DTNB: variants seen among roughly 807,000 people sequenced by gnomAD.
The protein encoded by DTNB is DTN-B.
Under a neutral mutation model 90.7 loss-of-function variants are expected in DTNB, and 63 were observed. The ratio of observed to expected loss-of-function variants is 0.69; its 90% CI spans 0.57 to 0.86. The LOEUF is 0.86. DTNB is among the 40% of genes least tolerant of loss of function. The pLI, the probability that DTNB is intolerant of heterozygous loss-of-function variation, is 0.00. For synonymous variants in DTNB, 277 were observed against 286.7 expected (o/e 0.97, Z 0.34); for missense variants, 744 against 807.1 (o/e 0.92, Z 0.95).
At chr2:25,570,406 C>CAAAAAAAAAAAAAAAAAA (rs146251976) in intron 8 of DTNB, among the ~76,000 whole-genome samples, 25 of 89,912 alleles carry the variant, frequency 2.8e-4, no homozygotes, top group African/African-American at 1.2e-3. Context: ...TTTCCTGTCT[C>CAAAAAAAAAAAAAAAAAA]AAAAAAAAAA....
chr2:25,611,510 G>T (rs886599596), intron 4 of DTNB, among the ~76,000 whole-genome samples: 1 of 152,188 alleles, frequency 6.6e-6, no homozygotes, highest in Non-Finnish European at 1.5e-5. Flanking sequence ...CCCCTCTAGA[G>T]TTGGCCCTCC....
chr2:25,627,576 T>C (rs2074508260), intron 4 of DTNB, among the ~76,000 whole-genome samples: 1 of 152,118 alleles, frequency 6.6e-6, no homozygotes, highest in South Asian at 2.1e-4. Flanking sequence ...GTGTTTTTCA[T>C]GAGCTGGAGG....
intron 9 of DTNB, among the ~76,000 whole-genome samples, chr2:25,507,212 T>A (rs1032019096): frequency 6.6e-6 from 1 of 152,200 alleles, no homozygotes; most frequent in African/African-American, 2.4e-5. Context: ...ATGCTTTTCA[T>A]TTTGAAGATG....
At chr2:25,614,468 G>T (rs147336910) in intron 4 of DTNB, among the ~76,000 whole-genome samples, 6 of 152,274 alleles carry the variant, frequency 3.9e-5, no homozygotes, top group Non-Finnish European at 7.4e-5. Context: ...TAACAACATT[G>T]CAGAATGTAA....
intron 8 of DTNB, among the ~76,000 whole-genome samples, chr2:25,554,311 T>G (rs933341921): frequency 6.6e-6 from 1 of 152,128 alleles, no homozygotes; most frequent in Admixed American, 6.5e-5. Context: ...TATTAAACAT[T>G]AGTTTAATAT....
Position 25,435,166 on chromosome 2 carries a change from TGCA to T in DTNB, c.1258-1174_1258-1172del, listed in dbSNP as rs1390667778. Among the ~76,000 whole-genome samples the T allele has an allele frequency of 2.6e-5, 4 of 152,262 alleles. No homozygotes were observed. The East Asian group carries it at 7.7e-4, about 29-fold the overall frequency. On this transcript the variant is annotated intron_variant, in intron 12 of 20. Transcript: ENST00000406818. ...TCCCGGGTAGCTGGGACTACAGGTG[TGCA>T]CCACCATGCTCAGCTCATTGTTTGT...
intron 5 of DTNB, 25 bp from the exon 6 acceptor site, chr2:25,596,265 T>C (rs763247160): frequency 1.6e-5 from 26 of 1,579,664 alleles, no homozygotes; most frequent in Middle Eastern, 1.7e-4. Context: ...CCAAATAAAG[T>C]CAAGCTATAA....
chr2:25,539,666 C>T (rs1220045603), intron 8 of DTNB, among the ~76,000 whole-genome samples: 1 of 150,730 alleles, frequency 6.6e-6, no homozygotes, highest in Admixed American at 6.6e-5. Context: ...ACAAACAACT[C>T]CTATTATGAG....
intron 16 of DTNB, among the ~76,000 whole-genome samples, chr2:25,418,631 G>A (rs1336072588): frequency 9.2e-5 from 14 of 151,718 alleles, no homozygotes; most frequent in African/African-American, 1.5e-4. Flanking sequence ...CTTGGGAGGC[G>A]GAGGTTGCAG....
At chr2:25,538,775 TA>T (rs2150995791) in intron 8 of DTNB, among the ~76,000 whole-genome samples, 1 of 152,110 alleles carries the variant, frequency 6.6e-6, no homozygotes, top group African/African-American at 2.4e-5. Context: ...TTAAAAGTTA[TA>T]AAACAAATAC....
At chr2:25,433,323 A>T (rs2054574283) in intron 13 of DTNB, among the ~76,000 whole-genome samples, 1 of 152,188 alleles carries the variant, frequency 6.6e-6, no homozygotes, top group Non-Finnish European at 1.5e-5. Flanking sequence ...AACTCCTTGC[A>T]ACCTCCTAAT....
intron 5 of DTNB, among the ~76,000 whole-genome samples, chr2:25,601,784 T>C (rs2065933533): frequency 6.6e-6 from 1 of 152,164 alleles, no homozygotes; most frequent in Admixed American, 6.5e-5. Context: ...GATAAATACC[T>C]AAACACAACT....
At chr2:25,451,343 CTG>C (rs1382564447) in intron 12 of DTNB, among the ~76,000 whole-genome samples, 1 of 152,100 alleles carries the variant, frequency 6.6e-6, no homozygotes, top group Non-Finnish European at 1.5e-5. Flanking sequence ...AAAATTTAAA[CTG>C]TAGGTGTGAT....
chr2:25,489,488 A>G (rs967351176), intron 9 of DTNB, among the ~76,000 whole-genome samples: 5 of 152,192 alleles, frequency 3.3e-5, no homozygotes, highest in African/African-American at 1.2e-4. Context: ...AGATTATCTC[A>G]TCCCATAAAG....
chr2:25,417,626 C>A (rs2048299854), intron 16 of DTNB, among the ~76,000 whole-genome samples: 1 of 152,114 alleles, frequency 6.6e-6, no homozygotes, highest in South Asian at 2.1e-4. Flanking sequence ...TTAGTCTGGG[C>A]AGACTGTTGG....
chr2:25,548,893 T>A (rs1483950350), intron 8 of DTNB, among the ~76,000 whole-genome samples: 2 of 152,186 alleles, frequency 1.3e-5, no homozygotes, highest in Admixed American at 6.5e-5. Context: ...TATGTTTACA[T>A]ACACATAAAT....
chr2:25,639,102 A>G lies in DTNB; in HGVS notation c.68-8T>C. The G allele has an allele frequency of 6.4e-7, 1 of 1,567,892 alleles. No individual in the cohort carries two copies. The highest frequency in any genetic ancestry group is 8.7e-7 in the Non-Finnish European group (1 of 1,152,268). ...CATCAAAATTCTGAGCACCTGAAAA[A>G]AGGCAAACAGAAATGCTCAACTAGA... is the stretch of plus-strand genomic sequence containing the variant. On this transcript the variant is annotated splice_region_variant and splice_polypyrimidine_tract_variant and intron_variant, in intron 2 of 20. Coordinates refer to ENST00000406818, the MANE Select transcript of DTNB (RefSeq NM_021907.5).
In DTNB at chr2:25,454,034, C is replaced by A. The variant is rs189018461; in HGVS notation, c.1169+1371G>T. On this transcript the variant is annotated intron_variant, in intron 11 of 20. Transcript: ENST00000406818. ...GTGTGGTGATGAGCGCCTGTGGTCC[C>A]AGCTACTCGGGAGGTTGAGGCAGGA... 2.0e-5 allele frequency among the ~76,000 whole-genome samples: 3 copies of A among 151,892 alleles called. No homozygotes were observed. The East Asian group carries it at 5.8e-4, about 29-fold the overall frequency.
At chr2:25,633,298 C>A (rs2076175178) in intron 3 of DTNB, among the ~76,000 whole-genome samples, 1 of 151,978 alleles carries the variant, frequency 6.6e-6, no homozygotes, top group East Asian at 1.9e-4. Context: ...CCAGCGCCTG[C>A]CATTGCAGGC....
Sources: gnomAD v4.1 joint callset for allele counts (sites outside exome capture counted in the v4.1 genomes callset) on GRCh38, gnomAD v4.1.1 for gene constraint, MANE v1.5 for transcripts, NCBI Gene and HGNC (gene_info 2026-07-23, HGNC 2026-07-21) for gene names.